Variants in SLC9C1 observed in about 807,000 individuals in gnomAD.
SLC9C1 encodes the protein sodium/hydrogen exchanger 10.
SLC9C1 carries 97 observed loss-of-function variants against 140.9 expected under a neutral mutation model. The ratio of observed to expected loss-of-function variants is 0.69; its 90% CI spans 0.58 to 0.82. The LOEUF is 0.82. SLC9C1 is among the 40% of genes least tolerant of loss of function. The pLI, the probability that SLC9C1 is intolerant of heterozygous loss-of-function variation, is 0.00. For synonymous variants in SLC9C1, 440 were observed against 442.6 expected (o/e 0.99, Z 0.07); for missense variants, 1,340 against 1,389.3 (o/e 0.96, Z 0.56).
At chr3:112,163,847 G>A (rs944395369) in intron 26 of SLC9C1, among the ~76,000 whole-genome samples, 10 of 151,926 alleles carry the variant, frequency 6.6e-5, no homozygotes, top group African/African-American at 2.4e-4. Flanking sequence ...CTGTCTCGTT[G>A]ATCTGTCTAA....
chr3:112,153,344 T>C (rs1415878267), intron 27 of SLC9C1, among the ~76,000 whole-genome samples: 2 of 108,036 alleles, frequency 1.9e-5, no homozygotes, highest in African/African-American at 7.2e-5. Context: ...AATATGCTAT[T>C]AAGGCAGCAT....
chr3:112,210,745 C>A (rs1303727698), intron 15 of SLC9C1, among the ~76,000 whole-genome samples: 1 of 152,100 alleles, frequency 6.6e-6, no homozygotes, highest in East Asian at 1.9e-4. Context: ...TGGTGGCTGA[C>A]CCCCACATTT....
chr3:112,157,553 A>G (rs2107872620), intron 26 of SLC9C1, among the ~76,000 whole-genome samples: 1 of 152,014 alleles, frequency 6.6e-6, no homozygotes, highest in South Asian at 2.1e-4. Flanking sequence ...ATGTCTGTGG[A>G]GAATGCTTGT....
chr3:112,249,057 C>T (rs1422603488), intron 10 of SLC9C1, among the ~76,000 whole-genome samples: 2 of 152,028 alleles, frequency 1.3e-5, no homozygotes, highest in African/African-American at 2.4e-5. Flanking sequence ...CCAGCTTTTG[C>T]TGATTCTGTA....
intron 15 of SLC9C1, among the ~76,000 whole-genome samples, chr3:112,216,016 G>C (rs917878615): frequency 5.3e-5 from 8 of 151,982 alleles, no homozygotes; most frequent in Middle Eastern, 3.4e-3. Flanking sequence ...AGATATAGAC[G>C]AATGGAACAG....
At chr3:112,199,750 A>C (rs2077860146) in intron 19 of SLC9C1, among the ~76,000 whole-genome samples, 1 of 152,010 alleles carries the variant, frequency 6.6e-6, no homozygotes, top group Non-Finnish European at 1.5e-5. Context: ...TTCTACCTGC[A>C]CTGGACACTA....
In SLC9C1 at chr3:112,208,186, G is replaced by C; in HGVS notation, c.1978C>G (p.Leu660Val). The C allele has an allele frequency of 6.2e-7, 1 of 1,601,688 alleles. No individual in the cohort carries two copies. Among genetic ancestry groups the C allele is most frequent in the Non-Finnish European group, 8.5e-7 (1 of 1,175,106 alleles). Reference protein sequence around the residue: ...CFLTLYILEALLKIAAMRKDF... With the variant: ...CFLTLYILEAVLKIAAMRKDF... ...CATAAATTTTAGATTACCTTAAGTA[G>C]TGCCTCTAGAATATAAAGTGTAAGA... Residue 660 changes from leucine (L) to valine (V), a missense_variant, in exon 16 of 29, where the codon CTA becomes GTA. Transcript: ENST00000305815.
intron 1 of SLC9C1, 71 bp from the exon 2 acceptor site, chr3:112,286,949 C>T (rs1043764841): frequency 1.2e-5 from 6 of 501,366 alleles, no homozygotes; most frequent in African/African-American, 1.0e-4. Flanking sequence ...AAGCCCTATT[C>T]TCCTTTAATT....
chr3:112,212,426 C>G (rs536863947), intron 15 of SLC9C1, among the ~76,000 whole-genome samples: 2 of 152,178 alleles, frequency 1.3e-5, no homozygotes, highest in East Asian at 3.9e-4. Flanking sequence ...GGAGGAAGTT[C>G]GAACCCATGG....
intron 26 of SLC9C1, among the ~76,000 whole-genome samples, chr3:112,156,717 A>C (rs1482757195): frequency 6.6e-6 from 1 of 152,020 alleles, no homozygotes; most frequent in Non-Finnish European, 1.5e-5. Flanking sequence ...GACAGTAGTC[A>C]TTCTAACTAA....
intron 6 of SLC9C1, among the ~76,000 whole-genome samples, chr3:112,271,393 G>GTGTATATATATATATATATATATATATA (rs142798462): frequency 2.4e-5 from 3 of 125,574 alleles, no homozygotes; most frequent in South Asian, 2.8e-4. Context: ...ATTCTACATT[G>GTGTATATATATATATATATATATATATA]TATATATATA....
intron 26 of SLC9C1, among the ~76,000 whole-genome samples, chr3:112,156,205 A>G (rs1296206460): frequency 1.3e-5 from 2 of 152,012 alleles, no homozygotes; most frequent in African/African-American, 4.8e-5. Context: ...CTATACTTCT[A>G]TGAGATCCAC....
rs761811323 is a variant in SLC9C1 at position 112,202,258 on chromosome 3, T to A, written c.2314A>T (p.Ile772Phe). ...ATTTAAGGTTTTCTTACCTGTTTAA[T>A]CTGTTTAGAACTTGTAATCTGATCA... is the stretch of plus-strand genomic sequence containing the variant. ...IIDQITSSKQIKQMLLKQVIR... is the reference protein window; with the variant it reads ...IIDQITSSKQFKQMLLKQVIR... The change falls in exon 18 of 29, where the codon ATT becomes TTT. Residue 772 changes from isoleucine (I) to phenylalanine (F), a missense_variant. Ile to Phe is a conservative substitution (Grantham distance 21). Coordinates refer to ENST00000305815, the MANE Select transcript of SLC9C1 (RefSeq NM_183061.3). 6.2e-7 allele frequency: 1 copy of A among 1,609,736 alleles called. No individual in the cohort carries two copies. The highest frequency in any genetic ancestry group is 2.2e-5 in the East Asian group (1 of 44,784).
At chr3:112,277,566 C>G in intron 5 of SLC9C1, 129 bp downstream of exon 5, 1 of 758,252 alleles carries the variant, frequency 1.3e-6, no homozygotes, top group South Asian at 3.3e-5. Flanking sequence ...TCTGCTTAAT[C>G]CTCAACCCCC....
intron 26 of SLC9C1, 38 bp from the exon 27 acceptor site, chr3:112,155,087 C>T: frequency 6.5e-7 from 1 of 1,541,116 alleles, no homozygotes; most frequent in Non-Finnish European, 8.8e-7. Flanking sequence ...AATTCAACCA[C>T]TGAAGCAAGT....
chr3:112,239,793 A>G (rs1383662605), intron 12 of SLC9C1, 47 bp downstream of exon 12: 7 of 1,478,890 alleles, frequency 4.7e-6, no homozygotes, highest in Middle Eastern at 4.3e-4. Context: ...ATACTTCAGT[A>G]TAATCAAATC....
chr3:112,246,050 G>A (rs1456349519), intron 10 of SLC9C1, among the ~76,000 whole-genome samples: 2 of 152,054 alleles, frequency 1.3e-5, no homozygotes, highest in Admixed American at 6.6e-5. Context: ...TTCCTGAAAT[G>A]TTTCAAAATA....
chr3:112,151,552 A>G, intron 28 of SLC9C1: 2 of 527,940 alleles, frequency 3.8e-6, no homozygotes, highest in Non-Finnish European at 7.5e-6. Flanking sequence ...CCAACAGTAC[A>G]TGGTAGCCTG....
At chr3:112,278,474 T>C (rs1576511396) in intron 4 of SLC9C1, among the ~76,000 whole-genome samples, 1 of 152,178 alleles carries the variant, frequency 6.6e-6, no homozygotes, top group East Asian at 1.9e-4. Flanking sequence ...CGAGTTAAAA[T>C]TATATCTGGT....
Sources: allele counts gnomAD v4.1 joint callset (sites outside exome capture counted in the v4.1 genomes callset), GRCh38; gene constraint gnomAD v4.1.1; transcripts MANE v1.5; gene names NCBI Gene and HGNC (gene_info 2026-07-23, HGNC 2026-07-21).